Variants in PUDP observed in about 807,000 individuals in gnomAD.
PUDP encodes the protein pseudouridine 5'-phosphatase.
In PUDP, 8 loss-of-function variants were observed where a neutral mutation model predicts 9.4. That is an observed-to-expected ratio of 0.85 (90% CI 0.50 to 1.53). The LOEUF (loss-of-function observed/expected upper bound fraction) is 1.53. Among genes scored for constraint, PUDP ranks in the 40% most tolerant of loss-of-function variants. The probability of loss-of-function intolerance (pLI) is 0.00; values close to 1 mark genes in which losing one functional copy is unlikely to be tolerated. For missense variants in PUDP, 188 were observed against 189.7 expected (o/e 0.99, Z 0.05); for synonymous variants, 99 against 80.7 (o/e 1.23, Z -1.22).
intron 1 of PUDP, among the ~76,000 whole-genome samples, chrX:7,035,259 A>C (rs1469352126): frequency 1.8e-5 from 2 of 112,055 alleles, no homozygotes; most frequent in Non-Finnish European, 3.8e-5. Flanking sequence ...AAATGAATAT[A>C]ATGCTATAAT....
intron 1 of PUDP, among the ~76,000 whole-genome samples, chrX:6,992,860 C>T (rs1929203761): frequency 8.9e-6 from 1 of 111,735 alleles, no homozygotes; most frequent in Non-Finnish European, 1.9e-5. Flanking sequence ...AATCAGCTGC[C>T]AATGCAGCTA....
chrX:6,993,567 C>T (rs1332897749), intron 1 of PUDP, among the ~76,000 whole-genome samples: 1 of 111,507 alleles, frequency 9.0e-6, no homozygotes, highest in African/African-American at 3.3e-5. Context: ...CATTATGTGA[C>T]ACACACTTCT....
chrX:6,834,527 T>C (rs1367509151), intron 3 of PUDP, among the ~76,000 whole-genome samples: 1 of 111,290 alleles, frequency 9.0e-6, no homozygotes, highest in Non-Finnish European at 1.9e-5. Flanking sequence ...CCCAAGAAAT[T>C]CCATGCCTGA....
At chrX:6,942,501 T>G (rs1928413631) in intron 3 of PUDP, among the ~76,000 whole-genome samples, 1 of 111,744 alleles carries the variant, frequency 8.9e-6, no homozygotes, top group Non-Finnish European at 1.9e-5. Context: ...ATTTGCTGCT[T>G]CTTAATTGCC....
intron 3 of PUDP, among the ~76,000 whole-genome samples, chrX:7,073,746 C>T (rs1297643013): frequency 8.9e-6 from 1 of 112,891 alleles, no homozygotes; most frequent in Non-Finnish European, 1.9e-5. Flanking sequence ...GTCACTGTCT[C>T]TAAGTAAGAA....
chrX:6,742,588 T>A (rs1251984901), intron 3 of PUDP, among the ~76,000 whole-genome samples: 1 of 111,935 alleles, frequency 8.9e-6, no homozygotes, highest in East Asian at 2.8e-4. Context: ...GGGCAAGATA[T>A]TTTTTAGAGA....
intron 3 of PUDP, among the ~76,000 whole-genome samples, chrX:6,948,043 G>A (rs984595807): frequency 8.9e-6 from 1 of 111,869 alleles, no homozygotes; most frequent in South Asian, 3.7e-4. Context: ...AGGAATATTA[G>A]ACATCTAACA....
intron 3 of PUDP, among the ~76,000 whole-genome samples, chrX:6,834,614 T>C (rs1926554046): frequency 8.9e-6 from 1 of 112,019 alleles, no homozygotes; most frequent in African/African-American, 3.2e-5. Context: ...ACTAATTCAT[T>C]GACCTTCAGA....
At chrX:6,895,481 AAT>A (rs904208630) in intron 3 of PUDP, among the ~76,000 whole-genome samples, 3 of 108,401 alleles carry the variant, frequency 2.8e-5, no homozygotes, top group African/African-American at 1.0e-4. Flanking sequence ...ACATAATACT[AAT>A]ATGTTATTAT....
intron 1 of PUDP, among the ~76,000 whole-genome samples, chrX:7,030,596 A>C (rs1929779696): frequency 1.8e-5 from 2 of 111,107 alleles, no homozygotes; most frequent in African/African-American, 3.3e-5. Context: ...GAGACAGGGG[A>C]GGCCACTCTC....
chrX:6,882,677 GACA>G (rs896688528), intron 3 of PUDP, among the ~76,000 whole-genome samples: 1 of 111,625 alleles, frequency 9.0e-6, no homozygotes, highest in Non-Finnish European at 1.9e-5. Context: ...TATCAGGAAA[GACA>G]ACGACTATAT....
chrX:7,132,374 G>A (rs752056929), intron 1 of PUDP, among the ~76,000 whole-genome samples: 2 of 112,107 alleles, frequency 1.8e-5, no homozygotes, highest in East Asian at 2.8e-4. Flanking sequence ...CCTAAATGCT[G>A]GGAATGTTAA....
chrX:7,131,794 T>A (rs193049837), intron 1 of PUDP, among the ~76,000 whole-genome samples: 1 of 105,505 alleles, frequency 9.5e-6, no homozygotes, highest in Non-Finnish European at 1.9e-5. Flanking sequence ...AGATAAAATG[T>A]GAATTCCTTA....
chrX:6,805,552 T>A (rs1211287106), intron 3 of PUDP, among the ~76,000 whole-genome samples: 1 of 109,535 alleles, frequency 9.1e-6, no homozygotes, highest in Non-Finnish European at 1.9e-5. Context: ...GGAGACAGAG[T>A]CTCAGTCTGT....
chrX:6,852,748 TAC>T (rs898056209), intron 3 of PUDP, among the ~76,000 whole-genome samples: 3 of 112,035 alleles, frequency 2.7e-5, no homozygotes, highest in Non-Finnish European at 5.6e-5. Context: ...ATCCATGTGT[TAC>T]AGTCTCATCA....
In PUDP at chrX:6,752,879, C is replaced by T. The variant is rs571899310; in HGVS notation, c.*248-46413G>A. On this transcript the variant is annotated intron_variant and NMD_transcript_variant, in intron 3 of 3. Coordinates refer to the PUDP transcript ENST00000655425. Reference sequence around the variant, plus strand: ...TATTTTCTCAGGAATATGTGATTATCCCTTAGATGTGTACATATAAACATA... The same window carrying T: ...TATTTTCTCAGGAATATGTGATTATTCCTTAGATGTGTACATATAAACATA... Among the ~76,000 whole-genome samples, 49 of 111,577 alleles carry T rather than the reference C, an allele frequency of 4.4e-4. No homozygotes were observed. In the South Asian group the frequency reaches 0.017, roughly 40 times the overall value.
At chrX:6,790,096 A>T (rs1925720009) in intron 3 of PUDP, among the ~76,000 whole-genome samples, 1 of 111,435 alleles carries the variant, frequency 9.0e-6, no homozygotes, top group Non-Finnish European at 1.9e-5. Context: ...GACAGATGAT[A>T]GATAGATCAT....
chrX:6,788,629 C>T (rs5989572), intron 3 of PUDP, among the ~76,000 whole-genome samples: 19,997 of 110,900 alleles, frequency 0.18, 1,848 homozygotes, highest in African/African-American at 0.36. Flanking sequence ...TACTTGAGCC[C>T]GGGAGGCAGA....
chrX:7,134,645 A>C (rs1383217225), intron 1 of PUDP, among the ~76,000 whole-genome samples: 1 of 112,265 alleles, frequency 8.9e-6, no homozygotes, highest in Non-Finnish European at 1.9e-5. Context: ...GTCTACAGGT[A>C]TTGTAATGGC....
Sources: allele counts gnomAD v4.1 joint callset (sites outside exome capture counted in the v4.1 genomes callset), GRCh38; gene constraint gnomAD v4.1.1; transcripts MANE v1.5; gene names NCBI Gene and HGNC (gene_info 2026-07-23, HGNC 2026-07-21).